Variants in DNAH11 observed in about 807,000 individuals in gnomAD.
DNAH11 encodes dynein axonemal heavy chain 11, also known as axonemal beta dynein heavy chain 11.
DNAH11 carries 442 observed loss-of-function variants against 526.0 expected under a neutral mutation model. The ratio of observed to expected loss-of-function variants is 0.84; its 90% CI spans 0.78 to 0.91. The LOEUF is 0.91. Ranked by LOEUF, DNAH11 falls within the 40% of genes least tolerant of loss-of-function variation. The pLI is 0.00. For synonymous variants in DNAH11, 2,461 were observed against 1,935.9 expected (o/e 1.27, Z -7.12); for missense variants, 6,989 against 5,448.7 (o/e 1.28, Z -8.90).
At chr7:21,619,914 C>G (rs140098741) in intron 24 of DNAH11, 42 bp from the exon 25 acceptor site, 3 of 1,517,352 alleles carry the variant, frequency 2.0e-6, no homozygotes, top group Non-Finnish European at 2.7e-6. Context: ...TATTGATTAT[C>G]AATTAAATTT....
chr7:21,719,094 A>G (rs1271478700), intron 43 of DNAH11, among the ~76,000 whole-genome samples: 2 of 152,198 alleles, frequency 1.3e-5, no homozygotes, highest in Non-Finnish European at 2.9e-5. Flanking sequence ...ATTCAAGAGT[A>G]GTGTGAAAAT....
At chr7:21,885,962 G>T (rs1236101803) in intron 76 of DNAH11, among the ~76,000 whole-genome samples, 1 of 152,174 alleles carries the variant, frequency 6.6e-6, no homozygotes, top group Non-Finnish European at 1.5e-5. Context: ...ACTACAGAGG[G>T]TGAGCGTGGT....
At chr7:21,718,854 C>T (rs186139811) in intron 43 of DNAH11, among the ~76,000 whole-genome samples, 14 of 152,248 alleles carry the variant, frequency 9.2e-5, no homozygotes, top group Non-Finnish European at 2.1e-4. Context: ...AGAGAAAGTT[C>T]AGGTTTTTGG....
chr7:21,587,794 G>A (rs1370153551), intron 9 of DNAH11, among the ~76,000 whole-genome samples: 1 of 152,124 alleles, frequency 6.6e-6, no homozygotes, highest in Non-Finnish European at 1.5e-5. Context: ...AACCCAACAG[G>A]AAATAATATT....
Position 21,681,678 on chromosome 7 carries a change from G to C in DNAH11, c.5460+1G>C. 6.2e-7 allele frequency: 1 copy of C among 1,613,796 alleles called. No homozygotes were observed. Among genetic ancestry groups the C allele is most frequent in the Non-Finnish European group, 8.5e-7 (1 of 1,179,784 alleles). ...GGTGGCAAAACTTATTTCTCAGAAG[G>C]CAAGTTGTTTGTAGAAATTTTATGT... On this transcript the variant is annotated splice_donor_variant, in intron 31 of 81. Transcript: ENST00000409508. LOFTEE classifies it high-confidence loss of function.
intron 28 of DNAH11, among the ~76,000 whole-genome samples, chr7:21,652,129 G>A (rs1254629486): frequency 6.6e-6 from 1 of 152,190 alleles, no homozygotes; most frequent in Non-Finnish European, 1.5e-5. Flanking sequence ...GGACAGTGAT[G>A]ACCAGACACC....
At position 21,748,598 on chromosome 7, in the gene DNAH11, C is replaced by A; in HGVS notation, c.8529C>A (p.Ile2843=). ...AMQHVCRISR[I]LRTPQGCALL... is the part of the protein sequence containing the mutation. ...TCCTCAGGTGTCGCATCAGCCGGAT[C>A]TTACGAACCCCTCAGGGCTGTGCTC... Residue 2843 remains isoleucine, a synonymous_variant, in exon 52 of 82, where the codon ATC becomes ATA. Transcript: ENST00000409508. 1 of 1,550,234 alleles carries A rather than the reference C, an allele frequency of 6.5e-7. No homozygotes were observed. The highest frequency in any genetic ancestry group is 2.3e-5 in the East Asian group (1 of 43,096).
At chr7:21,645,881 C>A (rs1297588359) in intron 28 of DNAH11, among the ~76,000 whole-genome samples, 1 of 152,040 alleles carries the variant, frequency 6.6e-6, no homozygotes, top group Non-Finnish European at 1.5e-5. Context: ...CATAATCTTG[C>A]ACTAAGCAAA....
At chr7:21,634,777 A>G (rs763197534) in intron 25 of DNAH11, among the ~76,000 whole-genome samples, 21 of 152,072 alleles carry the variant, frequency 1.4e-4, no homozygotes, top group African/African-American at 4.6e-4. Flanking sequence ...CAATTTACCT[A>G]TGTAACAAGC....
At chr7:21,597,571 G>T (rs1340118685) in intron 14 of DNAH11, among the ~76,000 whole-genome samples, 1 of 152,144 alleles carries the variant, frequency 6.6e-6, no homozygotes, top group African/African-American at 2.4e-5. Context: ...TTACATGGTG[G>T]CAGGAGAGAG....
intron 40 of DNAH11, among the ~76,000 whole-genome samples, chr7:21,709,544 C>G (rs929510174): frequency 1.3e-5 from 2 of 152,156 alleles, no homozygotes; most frequent in African/African-American, 4.8e-5. Flanking sequence ...ACCCATGCAA[C>G]AAACCTGCAT....
chr7:21,661,943 T>A (rs1213209065), intron 30 of DNAH11, among the ~76,000 whole-genome samples: 1 of 152,000 alleles, frequency 6.6e-6, no homozygotes, highest in Non-Finnish European at 1.5e-5. Flanking sequence ...CACAGCCTCC[T>A]GAGTAGCTGG....
At chr7:21,564,800 A>T (rs1332783058) in intron 6 of DNAH11, among the ~76,000 whole-genome samples, 1 of 152,184 alleles carries the variant, frequency 6.6e-6, no homozygotes, top group Non-Finnish European at 1.5e-5. Flanking sequence ...ATCCTAAAAA[A>T]GTAGTAGAAT....
chr7:21,888,002 A>G (rs900703650), intron 76 of DNAH11, among the ~76,000 whole-genome samples: 1 of 152,152 alleles, frequency 6.6e-6, no homozygotes, highest in East Asian at 1.9e-4. Flanking sequence ...TCGTATTTGT[A>G]TGTAGATGGT....
chr7:21,547,126 A>G (rs78539005), intron 2 of DNAH11, among the ~76,000 whole-genome samples: 9,248 of 152,286 alleles, frequency 0.061, 684 homozygotes, highest in African/African-American at 0.17. Flanking sequence ...GTATATATTT[A>G]ATAAAATTTA....
chr7:21,644,861 G>C (rs1357702134), intron 28 of DNAH11, among the ~76,000 whole-genome samples: 1 of 152,194 alleles, frequency 6.6e-6, no homozygotes, highest in Non-Finnish European at 1.5e-5. Context: ...CAAGAAAATA[G>C]AGAATCTACT....
At position 21,899,998 on chromosome 7, in the gene DNAH11, C is replaced by G; in HGVS notation, c.13181C>G (p.Ala4394Gly). ...TCCAAAGCAATCATGCAGACGATGG[C>G]TCGAAAAAATGAGTGGCCCCTGGAT... ...SFLTAIMQTM[A>G]RKNEWPLDKT... The change falls in exon 81 of 82, where the codon GCT becomes GGT. Residue 4394 changes from alanine (A) to glycine (G), a missense_variant. Ala to Gly is a moderately conservative substitution (Grantham distance 60). Coordinates refer to ENST00000409508, the MANE Select transcript of DNAH11 (RefSeq NM_001277115.2). The G allele has an allele frequency of 6.2e-7, 1 of 1,613,790 alleles. No individual in the cohort carries two copies. The highest frequency in any genetic ancestry group is 8.5e-7 in the Non-Finnish European group (1 of 1,179,830).
chr7:21,746,762 T>C (rs1335851733), intron 51 of DNAH11, among the ~76,000 whole-genome samples: 1 of 152,228 alleles, frequency 6.6e-6, no homozygotes, highest in African/African-American at 2.4e-5. Context: ...GTAGTTTTAT[T>C]GATCCCTTTG....
rs528143053 is a variant in DNAH11, at chr7:21,600,858, C to T, written c.3183C>T (p.Ser1061=). ...TCTTGTATGGCCATGCTGTGTCTTCCGATGAAATGGATGCTCATGCAAATG... is the reference window on the plus strand; with the variant it reads ...TCTTGTATGGCCATGCTGTGTCTTCTGATGAAATGGATGCTCATGCAAATG... ...HFLLYGHAVS[S]DEMDAHANEE... Residue 1061 remains serine (S), a synonymous_variant, in exon 16 of 82, where the codon TCC becomes TCT. Coordinates refer to ENST00000409508, the MANE Select transcript of DNAH11 (RefSeq NM_001277115.2). 2.0e-5 allele frequency: 32 copies of T among 1,613,852 alleles called. No individual in the cohort carries two copies. Among genetic ancestry groups the T allele is most frequent in the Non-Finnish European group, 2.5e-5 (29 of 1,179,850 alleles).
Sources: gnomAD v4.1 joint callset for allele counts (sites outside exome capture counted in the v4.1 genomes callset) on GRCh38, gnomAD v4.1.1 for gene constraint, MANE v1.5 for transcripts, NCBI Gene and HGNC (gene_info 2026-07-23, HGNC 2026-07-21) for gene names.